Variants in CDKAL1 observed in about 807,000 individuals in gnomAD.
CDKAL1 encodes CDKAL1 threonylcarbamoyladenosine tRNA methylthiotransferase.
Under a neutral mutation model 68.2 loss-of-function variants are expected in CDKAL1, and 32 were observed. The observed-to-expected ratio is 0.47, with a 90% CI of 0.35 to 0.63. The LOEUF is 0.63. Ranked by LOEUF, CDKAL1 falls within the 30% of genes least tolerant of loss-of-function variation. The probability of loss-of-function intolerance (pLI) is 0.00; values close to 1 mark genes in which losing one functional copy is unlikely to be tolerated. For missense variants in CDKAL1, 606 were observed against 696.7 expected (o/e 0.87, Z 1.47); for synonymous variants, 234 against 244.3 (o/e 0.96, Z 0.39).
chr6:20,649,726 A>G (rs6925233), intron 5 of CDKAL1, among the ~76,000 whole-genome samples: 34,983 of 151,274 alleles, frequency 0.23, 4,384 homozygotes, highest in African/African-American at 0.3. Flanking sequence ...CCCTTCCCCC[A>G]CCCCCTAACA....
At chr6:21,147,082 T>G (rs996090105) in intron 13 of CDKAL1, among the ~76,000 whole-genome samples, 4 of 151,918 alleles carry the variant, frequency 2.6e-5, no homozygotes, top group Non-Finnish European at 4.4e-5. Context: ...GATTGACTGG[T>G]GGGGGGGAAG....
At chr6:20,930,313 T>C (rs1763381416) in intron 9 of CDKAL1, among the ~76,000 whole-genome samples, 1 of 152,236 alleles carries the variant, frequency 6.6e-6, no homozygotes, top group East Asian at 1.9e-4. Context: ...TTTTTTTCTT[T>C]TAATTAACTT....
chr6:20,683,608 G>A (rs1770482524), intron 5 of CDKAL1, among the ~76,000 whole-genome samples: 2 of 152,202 alleles, frequency 1.3e-5, no homozygotes, highest in South Asian at 4.1e-4. Context: ...GGAAGGTACA[G>A]AGATGTTCCA....
intron 5 of CDKAL1, among the ~76,000 whole-genome samples, chr6:20,736,559 A>G (rs1303819501): frequency 6.6e-6 from 1 of 152,126 alleles, no homozygotes; most frequent in Non-Finnish European, 1.5e-5. Flanking sequence ...TCACGAGGTC[A>G]GGAGATCGAG....
intron 13 of CDKAL1, among the ~76,000 whole-genome samples, chr6:21,182,124 A>G (rs1261268922): frequency 6.6e-6 from 1 of 152,218 alleles, no homozygotes; most frequent in African/African-American, 2.4e-5. Flanking sequence ...TGTGAAAGTG[A>G]AAAATAAGAA....
intron 4 of CDKAL1, among the ~76,000 whole-genome samples, chr6:20,589,355 C>T (rs1461414490): frequency 2.6e-5 from 4 of 152,170 alleles, no homozygotes; most frequent in African/African-American, 9.7e-5. Flanking sequence ...TTTGACATTA[C>T]ACACACATGT....
At chr6:20,716,178 G>C (rs1178096810) in intron 5 of CDKAL1, among the ~76,000 whole-genome samples, 3 of 152,154 alleles carry the variant, frequency 2.0e-5, no homozygotes, top group Non-Finnish European at 4.4e-5. Context: ...GGATTGGGGA[G>C]ATAGGAACTA....
At chr6:21,141,929 C>T (rs1487950559) in intron 13 of CDKAL1, among the ~76,000 whole-genome samples, 1 of 152,082 alleles carries the variant, frequency 6.6e-6, no homozygotes, top group African/African-American at 2.4e-5. Context: ...TCTCTTAAAT[C>T]TTATACTGAA....
intron 9 of CDKAL1, among the ~76,000 whole-genome samples, chr6:20,895,479 C>A (rs2150586134): frequency 6.6e-6 from 1 of 152,304 alleles, no homozygotes; most frequent in Admixed American, 6.5e-5. Context: ...TCCCCATACG[C>A]TTGCTCAGCT....
chr6:20,638,554 T>A (rs1347338180), intron 4 of CDKAL1, among the ~76,000 whole-genome samples: 2 of 152,100 alleles, frequency 1.3e-5, no homozygotes, highest in African/African-American at 2.4e-5. Flanking sequence ...TTGGTGTTTA[T>A]ATAGGCTCTT....
chr6:20,882,212 G>A (rs189302883), intron 9 of CDKAL1, among the ~76,000 whole-genome samples: 2 of 152,172 alleles, frequency 1.3e-5, no homozygotes, highest in East Asian at 1.9e-4. Flanking sequence ...GGGGGAAGGG[G>A]CATTCCTGTC....
chr6:20,783,652 A>G (rs1232651558), intron 8 of CDKAL1, among the ~76,000 whole-genome samples: 3 of 152,106 alleles, frequency 2.0e-5, no homozygotes, highest in Non-Finnish European at 4.4e-5. Flanking sequence ...CCTCCCAACC[A>G]GGCTAAATCT....
At chr6:20,889,903 A>G (rs1266325063) in intron 9 of CDKAL1, among the ~76,000 whole-genome samples, 1 of 152,120 alleles carries the variant, frequency 6.6e-6, no homozygotes, top group Non-Finnish European at 1.5e-5. Flanking sequence ...GAAGAAAGTC[A>G]TTGGCAGCTT....
intron 15 of CDKAL1, among the ~76,000 whole-genome samples, chr6:21,230,242 G>C (rs1779905033): frequency 6.6e-6 from 1 of 152,164 alleles, no homozygotes; most frequent in South Asian, 2.1e-4. Flanking sequence ...GCTCACTGTA[G>C]CCTTCACCTT....
intron 4 of CDKAL1, among the ~76,000 whole-genome samples, chr6:20,551,591 C>T (rs937654784): frequency 2.0e-5 from 3 of 151,892 alleles, no homozygotes; most frequent in African/African-American, 4.8e-5. Flanking sequence ...AGGATGGTCT[C>T]GATCCCTTGA....
Position 20,907,770 on chromosome 6 carries a change from A to G in CDKAL1, c.743-47649A>G, listed in dbSNP as rs1427689361. On this transcript the variant is annotated intron_variant, in intron 9 of 15. Coordinates refer to ENST00000274695, the MANE Select transcript of CDKAL1 (RefSeq NM_017774.3). ...AGTCAGAAGCTGAGCACAGCCCACC[A>G]CCCGAGGTGGATGGGAATGGGAAGG... is the stretch of plus-strand genomic sequence containing the variant. 2.0e-5 allele frequency among the ~76,000 whole-genome samples: 3 copies of G among 152,032 alleles called. No individual in the cohort carries two copies. In the East Asian group the frequency reaches 5.8e-4, roughly 29 times the overall value.
intron 4 of CDKAL1, among the ~76,000 whole-genome samples, chr6:20,618,859 TG>T (rs1391654053): frequency 2.6e-5 from 4 of 151,994 alleles, no homozygotes; most frequent in African/African-American, 9.7e-5. Flanking sequence ...TTGTATTTTT[TG>T]TGGAGATGAG....
chr6:20,949,188 C>G (rs1250193993), intron 9 of CDKAL1, among the ~76,000 whole-genome samples: 1 of 152,126 alleles, frequency 6.6e-6, no homozygotes, highest in Non-Finnish European at 1.5e-5. Flanking sequence ...GAAAATCATA[C>G]CTGTAAGTGA....
Position 20,784,552 on chromosome 6 carries a change from G to A in CDKAL1, c.638+3287G>A, listed in dbSNP as rs146383104. On this transcript the variant is annotated intron_variant, in intron 8 of 15. Coordinates refer to ENST00000274695, the MANE Select transcript of CDKAL1 (RefSeq NM_017774.3). ...TGATTCTTCTGCCTCAGCCTCCCGA[G>A]TAGCTGGGACTATAGGCGTGTGCCA... 6.6e-3 allele frequency among the ~76,000 whole-genome samples: 965 copies of A among 147,250 alleles called. 4 individuals are homozygous for A. Among genetic ancestry groups the A allele is most frequent in the South Asian group, 0.03 (135 of 4,468 alleles).
Sources: gnomAD v4.1 joint callset for allele counts (sites outside exome capture counted in the v4.1 genomes callset) on GRCh38, gnomAD v4.1.1 for gene constraint, MANE v1.5 for transcripts, NCBI Gene and HGNC (gene_info 2026-07-23, HGNC 2026-07-21) for gene names.